Variants in GSAP observed in about 807,000 individuals in gnomAD.
The protein encoded by GSAP is gamma-secretase-activating protein.
GSAP carries 118 observed loss-of-function variants against 131.7 expected under a neutral mutation model. The observed-to-expected ratio is 0.90, with a 90% confidence interval of 0.77 to 1.04. The LOEUF (loss-of-function observed/expected upper bound fraction) is 1.04. Among genes scored for constraint, GSAP ranks in the 50% least tolerant of loss-of-function variants. GSAP has a pLI of 0.00. For synonymous variants in GSAP, 381 were observed against 363.4 expected (o/e 1.05, Z -0.55); for missense variants, 1,019 against 1,013.2 (o/e 1.01, Z -0.08).
At chr7:77,382,018 A>C (rs1016379092) in intron 7 of GSAP, among the ~76,000 whole-genome samples, 1 of 148,844 alleles carries the variant, frequency 6.7e-6, no homozygotes. Context: ...AATGCAAAAG[A>C]CAGCTTACTA....
intron 24 of GSAP, among the ~76,000 whole-genome samples, chr7:77,322,620 C>A (rs1787824015): frequency 7.5e-6 from 1 of 132,606 alleles, no homozygotes. Flanking sequence ...AAGTTAATGT[C>A]AACATGGGGA....
intron 30 of GSAP, 71 bp downstream of exon 30, chr7:77,311,766 CAAAG>C (rs1224718789): frequency 2.6e-6 from 2 of 771,474 alleles, no homozygotes; most frequent in Non-Finnish European, 4.5e-6. Context: ...GGAAAGAAGA[CAAAG>C]AAGTGAATAG....
At chr7:77,412,297 A>G (rs1271094920) in intron 1 of GSAP, among the ~76,000 whole-genome samples, 1 of 152,250 alleles carries the variant, frequency 6.6e-6, no homozygotes, top group African/African-American at 2.4e-5. Flanking sequence ...TTTGATTGAT[A>G]ATATTGAAAC....
chr7:77,321,347 G>A lies in GSAP; in HGVS notation c.1980C>T (p.Ser660=), dbSNP rs761360133. 1.9e-6 allele frequency: 3 copies of A among 1,597,948 alleles called. No homozygotes were observed. Among genetic ancestry groups the A allele is most frequent in the Non-Finnish European group, 2.6e-6 (3 of 1,165,384 alleles). ...TACTTGCGTACAAGTGGAGAACCCAGGAATGAAGATTATGTTTCCTCCAAT... is the reference window on the plus strand; with the variant it reads ...TACTTGCGTACAAGTGGAGAACCCAAGAATGAAGATTATGTTTCCTCCAAT... ...ETNWRKHNLH[S]WVLHFNSRGS... Residue 660 remains serine (S), a synonymous_variant, in exon 25 of 31, where the codon TCC becomes TCT. Coordinates refer to ENST00000257626, the MANE Select transcript of GSAP (RefSeq NM_017439.4).
chr7:77,387,328 T>C (rs1798719898), intron 6 of GSAP, 32 bp downstream of exon 6: 1 of 1,071,328 alleles, frequency 9.3e-7, no homozygotes, highest in Non-Finnish European at 1.5e-6. Context: ...TTTTGATTAA[T>C]GAGATAAGTG....
intron 1 of GSAP, among the ~76,000 whole-genome samples, chr7:77,411,031 G>T (rs1414195062): frequency 1.4e-5 from 2 of 138,992 alleles, no homozygotes; most frequent in Non-Finnish European, 3.0e-5. Flanking sequence ...ATGAGAATTA[G>T]AAGAGGAGAC....
At chr7:77,388,050 A>G (rs1343330850) in intron 5 of GSAP, among the ~76,000 whole-genome samples, 1 of 152,198 alleles carries the variant, frequency 6.6e-6, no homozygotes, top group African/African-American at 2.4e-5. Context: ...TATGCTAACT[A>G]TTGTATTAGC....
intron 1 of GSAP, among the ~76,000 whole-genome samples, chr7:77,415,131 A>G (rs9641218): frequency 0.66 from 100,168 of 152,054 alleles, 34,092 homozygotes; most frequent in South Asian, 0.77. Context: ...ACACAAACAT[A>G]TAACTCCTTA....
intron 26 of GSAP, chr7:77,316,090 C>G (rs1471278432): frequency 1.3e-5 from 2 of 152,132 alleles, no homozygotes; most frequent in East Asian, 3.8e-4. Context: ...AGAAGATTTA[C>G]CATTGGGATA....
intron 5 of GSAP, among the ~76,000 whole-genome samples, chr7:77,396,564 G>A (rs1426475568): frequency 6.6e-6 from 1 of 152,138 alleles, no homozygotes; most frequent in East Asian, 1.9e-4. Flanking sequence ...AAACTATAAA[G>A]TGGGCCTTGG....
chr7:77,341,158 T>C (rs555534726), intron 19 of GSAP, among the ~76,000 whole-genome samples: 64 of 152,262 alleles, frequency 4.2e-4, no homozygotes, highest in African/African-American at 1.1e-3. Context: ...GGGTCTGAGG[T>C]GCCTGACTTC....
At position 77,345,083 on chromosome 7, in the gene GSAP, C is replaced by A. The variant is rs554202372; in HGVS notation, c.1545+4268G>T. Among the ~76,000 whole-genome samples, 78 of 152,278 alleles carry A rather than the reference C, an allele frequency of 5.1e-4. 1 individual carries two copies. Among genetic ancestry groups the A allele is most frequent in the African/African-American group, 1.9e-3 (78 of 41,556 alleles). On this transcript the variant is annotated intron_variant, in intron 19 of 30. Coordinates refer to ENST00000257626, the MANE Select transcript of GSAP (RefSeq NM_017439.4). ...ACCAAGCAAGTAATTATGCTGAACC[C>A]CCTTGGGCACTCTCTAATTGGAGGT...
At chr7:77,359,177 G>C (rs1170863507) in intron 14 of GSAP, among the ~76,000 whole-genome samples, 1 of 151,818 alleles carries the variant, frequency 6.6e-6, no homozygotes, top group East Asian at 1.9e-4. Flanking sequence ...CTCCAGCCTG[G>C]GAGACAGAAC....
At chr7:77,408,106 A>C (rs1238593637) in intron 1 of GSAP, among the ~76,000 whole-genome samples, 2 of 152,174 alleles carry the variant, frequency 1.3e-5, no homozygotes, top group African/African-American at 4.8e-5. Context: ...AGGTTCCATT[A>C]ATGTTTTCCT....
intron 8 of GSAP, chr7:77,380,158 C>G (rs1584616577): frequency 6.5e-6 from 1 of 152,896 alleles, no homozygotes; most frequent in African/African-American, 2.4e-5. Context: ...GGAGAAGATG[C>G]TGAAATGCAT....
At chr7:77,326,583 G>C (rs1461385959) in intron 22 of GSAP, 1 of 224,996 alleles carries the variant, frequency 4.4e-6, no homozygotes, top group Non-Finnish European at 8.8e-6. Context: ...AGAGGGACTT[G>C]GGCCTTCTCT....
At chr7:77,335,641 A>AC (rs1053148780) in intron 19 of GSAP, among the ~76,000 whole-genome samples, 84 of 152,108 alleles carry the variant, frequency 5.5e-4, no homozygotes, top group Non-Finnish European at 7.1e-4. Flanking sequence ...AAACAAACAA[A>AC]AAAAAAAGCT....
At chr7:77,340,482 G>C (rs1167372985) in intron 19 of GSAP, among the ~76,000 whole-genome samples, 1 of 152,134 alleles carries the variant, frequency 6.6e-6, no homozygotes, top group African/African-American at 2.4e-5. Flanking sequence ...AGACCAACCA[G>C]CCCAAGGAAC....
At chr7:77,404,079 T>C (rs1175117290) in intron 3 of GSAP, among the ~76,000 whole-genome samples, 1 of 152,188 alleles carries the variant, frequency 6.6e-6, no homozygotes, top group East Asian at 1.9e-4. Context: ...TCTGTCATAC[T>C]CAATCGAGTT....
Sources: allele counts gnomAD v4.1 joint callset (sites outside exome capture counted in the v4.1 genomes callset), GRCh38; gene constraint gnomAD v4.1.1; transcripts MANE v1.5; gene names NCBI Gene and HGNC (gene_info 2026-07-23, HGNC 2026-07-21).